Variants in FGD3 observed in about 807,000 individuals in gnomAD.
FGD3 encodes the protein FYVE, RhoGEF and PH domain containing 3, also known as FYVE, RhoGEF and PH domain-containing protein 3.
In FGD3, 45 loss-of-function variants were observed where a neutral mutation model predicts 71.8. The observed-to-expected ratio is 0.63, with a 90% CI of 0.49 to 0.80. The LOEUF is 0.80. Among genes scored for constraint, FGD3 ranks in the 30% least tolerant of loss-of-function variants. FGD3 has a pLI of 0.00. For missense variants in FGD3, 844 were observed against 951.5 expected (o/e 0.89, Z 1.49); for synonymous variants, 378 against 392.8 (o/e 0.96, Z 0.44).
intron 16 of FGD3, chr9:93,033,312 TC>T (rs1862435247): frequency 4.4e-6 from 1 of 227,834 alleles, no homozygotes; most frequent in Non-Finnish European, 8.5e-6. Flanking sequence ...CTTCTCCTCC[TC>T]CTCCCCGTCC....
intron 7 of FGD3, 61 bp downstream of exon 7, chr9:93,010,445 TGGGGAGAG>T: frequency 6.9e-7 from 1 of 1,456,666 alleles, no homozygotes; most frequent in Non-Finnish European, 9.1e-7. Context: ...ACTCTGGGGG[TGGGGAGAG>T]AGGGAGAGAG....
intron 5 of FGD3, among the ~76,000 whole-genome samples, chr9:93,004,770 G>A (rs1266400098): frequency 2.0e-5 from 3 of 152,156 alleles, no homozygotes; most frequent in African/African-American, 4.8e-5. Context: ...TGCATCAGGA[G>A]CCTGGCCCTT....
intron 1 of FGD3, among the ~76,000 whole-genome samples, chr9:92,956,630 G>A (rs1859055368): frequency 6.6e-6 from 1 of 152,090 alleles, no homozygotes; most frequent in Non-Finnish European, 1.5e-5. Flanking sequence ...CCAGCCTCCT[G>A]GAATGTGAGA....
chr9:93,032,118 G>A (rs1487061610), intron 15 of FGD3, among the ~76,000 whole-genome samples: 1 of 152,216 alleles, frequency 6.6e-6, no homozygotes, highest in Non-Finnish European at 1.5e-5. Context: ...GACACGGGTT[G>A]CTTCCAGCTT....
intron 3 of FGD3, among the ~76,000 whole-genome samples, chr9:92,996,392 G>T (rs1323532812): frequency 6.6e-6 from 1 of 151,950 alleles, no homozygotes; most frequent in East Asian, 1.9e-4. Flanking sequence ...CTTGCTAATG[G>T]TCTATCCATT....
Position 93,025,888 on chromosome 9 carries a change from C to T in FGD3, c.1557+3499C>T, listed in dbSNP as rs78067083. Among the ~76,000 whole-genome samples the T allele has an allele frequency of 3.5e-3, 535 of 152,344 alleles. 5 individuals are homozygous for T. The highest frequency in any genetic ancestry group is 0.012 in the African/African-American group (514 of 41,580). On this transcript the variant is annotated intron_variant, in intron 14 of 17. Coordinates refer to ENST00000375482, the MANE Select transcript of FGD3 (RefSeq NM_001083536.2). ...TTCTCAGGCACTGCCCCTCCTGGGA[C>T]GAGGCCACGCCCTGTGTCCACCCTC...
intron 1 of FGD3, among the ~76,000 whole-genome samples, chr9:92,971,561 CTTTTCTTTTTTTTTTTTT>C (rs1324665919): frequency 6.3e-5 from 4 of 63,244 alleles, no homozygotes; most frequent in African/African-American, 1.9e-4. Context: ...CTTTTCTTTT[CTTTTCTTTTTTTTTTTTT>C]TTTTTTTTTT....
chr9:93,018,089 A>T (rs1371134577), intron 10 of FGD3, 47 bp from the exon 11 acceptor site: 8 of 1,576,420 alleles, frequency 5.1e-6, no homozygotes, highest in Non-Finnish European at 7.0e-6. Context: ...GCTGGAGCTA[A>T]AATGACCAGC....
At position 93,005,318 on chromosome 9, in the gene FGD3, G is replaced by A. The variant is rs551813229; in HGVS notation, c.681-706G>A. Among the ~76,000 whole-genome samples, 11 of 151,962 alleles carry A rather than the reference G, an allele frequency of 7.2e-5. No homozygotes were observed. The South Asian group carries it at 1.5e-3, about 20-fold the overall frequency. The stretch of plus-strand genomic sequence containing the variant: ...TTTGTATTTTTTTTTAAGTAGAGAC[G>A]GGGTTTCACCGTGTTGGCCAGGATG... On this transcript the variant is annotated intron_variant, in intron 5 of 17. Transcript: ENST00000375482.
chr9:93,018,100 T>C, intron 10 of FGD3, 36 bp from the exon 11 acceptor site: 3 of 1,597,964 alleles, frequency 1.9e-6, no homozygotes, highest in East Asian at 2.2e-5. Flanking sequence ...AATGACCAGC[T>C]TGGGTTTGCT....
intron 3 of FGD3, among the ~76,000 whole-genome samples, chr9:92,994,398 T>C (rs1860547276): frequency 6.6e-6 from 1 of 152,222 alleles, no homozygotes; most frequent in Non-Finnish European, 1.5e-5. Flanking sequence ...TTGCAAAAAT[T>C]TTCTCCCATT....
At chr9:93,020,235 G>A (rs1861860887) in intron 12 of FGD3, 82 bp from the exon 13 acceptor site, 1 of 1,352,762 alleles carries the variant, frequency 7.4e-7, no homozygotes, top group South Asian at 1.3e-5. Flanking sequence ...CCGTCCTCGG[G>A]ACAGAGGCAG....
chr9:93,035,001 C>A (rs1369939643), intron 17 of FGD3, among the ~76,000 whole-genome samples: 1 of 152,166 alleles, frequency 6.6e-6, no homozygotes, highest in Non-Finnish European at 1.5e-5. Flanking sequence ...CCCCTTGGAG[C>A]CCCAGTTGCT....
At chr9:92,961,398 C>G (rs895354402) in intron 1 of FGD3, among the ~76,000 whole-genome samples, 11 of 152,138 alleles carry the variant, frequency 7.2e-5, no homozygotes, top group African/African-American at 2.7e-4. Flanking sequence ...CCCCAGGAGC[C>G]CTCCATGGTC....
intron 3 of FGD3, among the ~76,000 whole-genome samples, chr9:92,985,279 C>T (rs1860147996): frequency 6.6e-6 from 1 of 152,210 alleles, no homozygotes; most frequent in Non-Finnish European, 1.5e-5. Flanking sequence ...AAGCCTGCCT[C>T]TGGTCCCTGC....
chr9:92,985,502 G>T (rs1403404921), intron 3 of FGD3, among the ~76,000 whole-genome samples: 1 of 152,200 alleles, frequency 6.6e-6, no homozygotes, highest in Non-Finnish European at 1.5e-5. Flanking sequence ...TTTTTTGACA[G>T]AGTTTTGCTC....
At chr9:93,010,913 G>A (rs574819842) in intron 7 of FGD3, among the ~76,000 whole-genome samples, 1 of 152,220 alleles carries the variant, frequency 6.6e-6, no homozygotes, top group African/African-American at 2.4e-5. Context: ...TAGGGCTGGT[G>A]GGGGCTGCTC....
chr9:92,992,558 GGGTTGGTTTCCCTGCTGTGCA>G (rs1267884294), intron 3 of FGD3, among the ~76,000 whole-genome samples: 1 of 152,166 alleles, frequency 6.6e-6, no homozygotes, highest in East Asian at 1.9e-4. Context: ...GTGGCAGTGA[GGGTTGGTTTCCCTGCTGTGCA>G]GGAACAGAAT....
At chr9:93,006,941 A>G (rs1861083481) in intron 6 of FGD3, among the ~76,000 whole-genome samples, 1 of 151,120 alleles carries the variant, frequency 6.6e-6, no homozygotes, top group East Asian at 2.0e-4. Flanking sequence ...GTTAGCCAGG[A>G]TGGTCTCGAT....
Sources: allele counts gnomAD v4.1 joint callset (sites outside exome capture counted in the v4.1 genomes callset), GRCh38; gene constraint gnomAD v4.1.1; transcripts MANE v1.5; gene names NCBI Gene and HGNC (gene_info 2026-07-23, HGNC 2026-07-21).